SYT7: variants seen among roughly 807,000 people sequenced by gnomAD.
SYT7 encodes the protein synaptotagmin-7.
Under a neutral mutation model 75.1 loss-of-function variants are expected in SYT7, and 29 were observed. The ratio of observed to expected loss-of-function variants is 0.39; its 90% CI spans 0.29 to 0.53. SYT7 has a LOEUF of 0.53. SYT7 is among the 20% of genes least tolerant of loss of function. SYT7 has a pLI of 0.77. For synonymous variants in SYT7, 376 were observed against 401.7 expected (o/e 0.94, Z 0.76); for missense variants, 693 against 953.2 (o/e 0.73, Z 3.59).
chr11:61,523,780 C>A lies in SYT7; in HGVS notation c.1756+47G>T, dbSNP rs1369032815. 3.8e-6 allele frequency: 6 copies of A among 1,579,876 alleles called. No individual in the cohort carries two copies. In the African/African-American group the frequency reaches 4.0e-5, roughly 11 times the overall value. On this transcript the variant is annotated intron_variant, in intron 11 of 12. Coordinates refer to ENST00000539008, the MANE Select transcript of SYT7 (RefSeq NM_001365809.2). The surrounding 1 kb of genome is among the most constrained non-coding windows in gnomAD (Gnocchi z 5.0). ...CACATCCGGTGTAAACCTTGTGTCACCAGCACCTCCCCGGCCCGCCCATCC... is the reference window on the plus strand; with the variant it reads ...CACATCCGGTGTAAACCTTGTGTCAACAGCACCTCCCCGGCCCGCCCATCC...
chr11:61,517,089 G>T lies in SYT7; in HGVS notation c.*1538C>A, dbSNP rs1032448162. ...GGGGCTAAGACCACGGCCACAGACT[G>T]TGGGGGCCTGGCGCCACCTGGCGGT... is the stretch of plus-strand genomic sequence containing the variant. On this transcript the variant is annotated 3_prime_UTR_variant, in exon 13 of 13. Coordinates refer to ENST00000539008, the MANE Select transcript of SYT7 (RefSeq NM_001365809.2). 2.0e-5 allele frequency: 8 copies of T among 395,194 alleles called. No homozygotes were observed. The Admixed American group carries it at 3.5e-4, about 17-fold the overall frequency. 24.5% of individuals were successfully genotyped at this position (395,194 alleles called of 1,614,324 possible). A position where few individuals can be genotyped will look rare whatever the true frequency, so the allele number is the denominator to read the frequency against.
chr11:61,546,110 C>G lies in SYT7; in HGVS notation c.493G>C (p.Gly165Arg). The G allele has an allele frequency of 6.5e-7, 1 of 1,531,020 alleles. No individual in the cohort carries two copies. The highest frequency in any genetic ancestry group is 8.7e-7 in the Non-Finnish European group (1 of 1,144,666). The allele number at this position is 1,531,020 out of a possible 1,614,324, so 94.8% of individuals were successfully genotyped here. A position where few individuals can be genotyped will look rare whatever the true frequency, so the allele number is the denominator to read the frequency against. ...CCTCTCCCCGCCTTGCCACCGCTGC[C>G]CGGCTCGCTGGGGGCAGCCCCGCCG... Reference protein sequence around the residue: ...RSGGAAPSEPGSGGKAGRGRW... With the variant: ...RSGGAAPSEPRSGGKAGRGRW... Residue 165 changes from glycine (G) to arginine (R), a missense_variant, in exon 5 of 13, where the codon GGC becomes CGC. Physicochemically the swap from Gly to Arg is moderately radical, Grantham distance 125. Coordinates refer to ENST00000539008, the MANE Select transcript of SYT7 (RefSeq NM_001365809.2). The surrounding 1 kb of genome is among the most constrained non-coding windows in gnomAD (Gnocchi z 7.6).
rs571625538 is a variant in SYT7, at chr11:61,549,323, C to T, written c.216-2015G>A. ...ATTTGGGAAACACTGATTCCTTTAC[C>T]GCAGGACTTCTCAGAGCCTTTAACG... is the stretch of plus-strand genomic sequence containing the variant. On this transcript the variant is annotated intron_variant, in intron 3 of 12. Coordinates refer to ENST00000539008, the MANE Select transcript of SYT7 (RefSeq NM_001365809.2). Among the ~76,000 whole-genome samples, 11 of 152,280 alleles carry T rather than the reference C, an allele frequency of 7.2e-5. No individual in the cohort carries two copies. The South Asian group carries it at 1.2e-3, about 17-fold the overall frequency.
intron 8 of SYT7, among the ~76,000 whole-genome samples, chr11:61,531,444 G>T (rs2062705013): frequency 6.6e-6 from 1 of 152,064 alleles, no homozygotes; most frequent in African/African-American, 2.4e-5. Context: ...AAGACAGCTG[G>T]GGCCAGTCTT....
upstream of SYT7, among the ~76,000 whole-genome samples, chr11:61,583,235 AAG>A (rs927073311): frequency 2.0e-5 from 3 of 151,838 alleles, no homozygotes; most frequent in African/African-American, 7.3e-5. Context: ...CAAAAAAAAA[AAG>A]AGCAAATAGG....
chr11:61,533,267 C>T (rs555534232), intron 7 of SYT7, 143 bp from the exon 8 acceptor site: 14 of 1,420,258 alleles, frequency 9.9e-6, no homozygotes, highest in Admixed American at 9.1e-5. Flanking sequence ...CTCCAGTCCA[C>T]GTGGACACCT....
At chr11:61,549,915 G>C (rs441938) in intron 3 of SYT7, among the ~76,000 whole-genome samples, 1 of 151,800 alleles carries the variant, frequency 6.6e-6, no homozygotes, top group Admixed American at 6.6e-5. Flanking sequence ...CCTGCCACAC[G>C]CACCCCTATC....
chr11:61,558,329 C>T (rs1182587389), intron 1 of SYT7, among the ~76,000 whole-genome samples: 1 of 151,922 alleles, frequency 6.6e-6, no homozygotes, highest in Admixed American at 6.5e-5. Flanking sequence ...TGTGCCTGTA[C>T]TCCCAGCTAC....
At chr11:61,547,585 C>A (rs564646385) in intron 3 of SYT7, among the ~76,000 whole-genome samples, 1 of 151,114 alleles carries the variant, frequency 6.6e-6, no homozygotes, top group African/African-American at 2.4e-5. Flanking sequence ...AGGAGGCAAG[C>A]GGCAGGCGGC....
Position 61,567,178 on chromosome 11 carries a change from C to A in SYT7, c.32-10971G>T, listed in dbSNP as rs372700869. Among the ~76,000 whole-genome samples, 26 of 152,324 alleles carry A rather than the reference C, an allele frequency of 1.7e-4. No homozygotes were observed. The South Asian group carries it at 4.8e-3, about 28-fold the overall frequency. On this transcript the variant is annotated intron_variant, in intron 1 of 12. Coordinates refer to ENST00000539008, the MANE Select transcript of SYT7 (RefSeq NM_001365809.2). ...GACCACTGCGGATCTGAATCCTGTT[C>A]TGTCACTTCCAGTTGTGTGACCTCA...
intron 9 of SYT7, chr11:61,526,011 A>C (rs1442186406): frequency 6.6e-6 from 1 of 152,302 alleles, no homozygotes; most frequent in South Asian, 2.1e-4. Context: ...TGGAGGCCTG[A>C]GGTGAGGAGA....
intron 7 of SYT7, among the ~76,000 whole-genome samples, chr11:61,534,445 G>A (rs72914253): frequency 5.7e-4 from 86 of 151,646 alleles, no homozygotes; most frequent in South Asian, 1.9e-3. Context: ...GCACACGCAC[G>A]CACACACGCA....
chr11:61,527,803 G>A (rs2062568389), intron 9 of SYT7, 112 bp downstream of exon 9: 3 of 1,297,236 alleles, frequency 2.3e-6, no homozygotes, highest in Admixed American at 3.7e-5. Context: ...TTGTGGGCCT[G>A]CAGGTGTGTG....
intron 3 of SYT7, 38 bp from the exon 4 acceptor site, chr11:61,547,346 T>A: frequency 6.5e-7 from 1 of 1,532,188 alleles, no homozygotes; most frequent in Non-Finnish European, 8.7e-7. Context: ...AACAGGGAGA[T>A]ACAAGAAGAA....
intron 8 of SYT7, among the ~76,000 whole-genome samples, chr11:61,531,915 A>G (rs1473167388): frequency 2.7e-5 from 4 of 149,622 alleles, no homozygotes; most frequent in African/African-American, 5.0e-5. Context: ...AAAAAAAAAA[A>G]GCAGGCTCTT....
intron 3 of SYT7, among the ~76,000 whole-genome samples, chr11:61,549,210 T>A (rs894522121): frequency 3.3e-5 from 5 of 152,082 alleles, no homozygotes; most frequent in Non-Finnish European, 7.4e-5. Flanking sequence ...ACTGCCAGAC[T>A]TGTCTCCCAC....
intron 12 of SYT7, among the ~76,000 whole-genome samples, chr11:61,520,279 T>C (rs1413018312): frequency 1.3e-5 from 2 of 151,874 alleles, no homozygotes; most frequent in Non-Finnish European, 2.9e-5. Context: ...ATCCCAGCAC[T>C]GTAGGAGGCC....
chr11:61,575,721 T>A (rs1396913619), intron 1 of SYT7, among the ~76,000 whole-genome samples: 1 of 152,138 alleles, frequency 6.6e-6, no homozygotes, highest in Non-Finnish European at 1.5e-5. Flanking sequence ...CCTAAAGCTT[T>A]CCGTCATAGC....
chr11:61,514,882 G>A lies in SYT7; in HGVS notation c.*3745C>T, dbSNP rs193293017. 6.6e-6 allele frequency among the ~76,000 whole-genome samples: 1 copy of A among 152,324 alleles called. No homozygotes were observed. Among genetic ancestry groups the A allele is most frequent in the African/African-American group, 2.4e-5 (1 of 41,560 alleles). On this transcript the variant is annotated 3_prime_UTR_variant, in exon 13 of 13. Transcript: ENST00000539008. ...CCTCAGGGACCAGGAAGGAGGCGCT[G>A]GCCTGAAACTACAGTGGCCCCATGG...
Sources: gnomAD v4.1 joint callset for allele counts (sites outside exome capture counted in the v4.1 genomes callset) on GRCh38, gnomAD v4.1.1 for gene constraint, Gnocchi (gnomAD v3.1) non-coding constraint, MANE v1.5 for transcripts, NCBI Gene and HGNC (gene_info 2026-07-23, HGNC 2026-07-21) for gene names.